The following ZMYM5 variants were observed in gnomAD, a reference collection of about 807,000 sequenced individuals.
ZMYM5 encodes the protein zinc finger MYM-type containing 5, also known as zinc finger MYM-type protein 5.
Under a neutral mutation model 61.8 loss-of-function variants are expected in ZMYM5, and 41 were observed. That is an observed-to-expected ratio of 0.66 (90% CI 0.52 to 0.86). ZMYM5 has a LOEUF of 0.86. Ranked by LOEUF, ZMYM5 falls within the 40% of genes least tolerant of loss-of-function variation. ZMYM5 has a pLI of 0.00. For synonymous variants in ZMYM5, 257 were observed against 276.4 expected (o/e 0.93, Z 0.70); for missense variants, 706 against 786.7 (o/e 0.90, Z 1.23).
chr13:19,834,957 T>TTACAAG (rs1422333709), intron 7 of ZMYM5, among the ~76,000 whole-genome samples: 1 of 151,812 alleles, frequency 6.6e-6, no homozygotes, highest in Non-Finnish European at 1.5e-5. Flanking sequence ...AGTGCTGGGA[T>TTACAAG]TACAAGTGTT....
At chr13:19,858,648 C>T (rs1188399162) in intron 2 of ZMYM5, among the ~76,000 whole-genome samples, 2 of 150,062 alleles carry the variant, frequency 1.3e-5, no homozygotes, top group Admixed American at 1.3e-4. Context: ...TCGTTCCCTT[C>T]CAAAACTCCC....
Position 19,837,691 on chromosome 13 carries a change from T to C in ZMYM5, c.1003A>G (p.Lys335Glu). The C allele has an allele frequency of 6.3e-7, 1 of 1,579,200 alleles. No individual in the cohort carries two copies. The highest frequency in any genetic ancestry group is 1.2e-5 in the South Asian group (1 of 84,958). Residue 335 changes from lysine to glutamate, a missense_variant, in exon 6 of 8, where the codon AAG becomes GAG. Physicochemically the swap from Lys to Glu is moderately conservative, Grantham distance 56 (BLOSUM62 1). This residue lies in a region of ZMYM5 where 480 missense variants were observed against 461.7 expected (regional missense o/e 1.04). Transcript: ENST00000337963. Reference protein sequence around the residue: ...NWNLKKGVFNKSRCTICSKLA... With the variant: ...NWNLKKGVFNESRCTICSKLA... ...TTACTACAAATTGTACATCTTGACT[T>C]ATTAAAAACTCCTTTTTTAAGATTC...
chr13:19,835,174 T>C (rs1187915151), intron 7 of ZMYM5, among the ~76,000 whole-genome samples: 2 of 152,086 alleles, frequency 1.3e-5, no homozygotes, highest in Admixed American at 6.6e-5. Flanking sequence ...AAAAAATTTT[T>C]AGTAGAGATT....
At position 19,823,489 on chromosome 13, in the gene ZMYM5, AATAT is replaced by A. The variant is rs1291266774; in HGVS notation, c.*984_*987del. 1.3e-5 allele frequency: 2 copies of A among 152,260 alleles called. No homozygotes were observed. The highest frequency in any genetic ancestry group is 4.8e-5 in the African/African-American group (2 of 41,584). The allele number at this position is 152,260 out of a possible 1,614,324, so 9.4% of individuals were successfully genotyped here. Reference sequence around the variant, plus strand: ...GCCCATAACACTTGAAGGTTAACTTAATATATACTTATTTTAATATTTTTTATAT... The same window carrying A: ...GCCCATAACACTTGAAGGTTAACTTAATACTTATTTTAATATTTTTTATAT... On this transcript the variant is annotated 3_prime_UTR_variant, in exon 8 of 8. Transcript: ENST00000337963.
chr13:19,847,888 C>T (rs959594101), intron 4 of ZMYM5, among the ~76,000 whole-genome samples: 1 of 148,096 alleles, frequency 6.8e-6, no homozygotes, highest in Non-Finnish European at 1.5e-5. Context: ...CTCCTGACCT[C>T]GTGATCCGCC....
At chr13:19,825,993 C>G (rs1284580072) in intron 7 of ZMYM5, among the ~76,000 whole-genome samples, 1 of 148,270 alleles carries the variant, frequency 6.7e-6, no homozygotes, top group African/African-American at 2.5e-5. Context: ...TGGCAGTGAG[C>G]TGAGATCATG....
In ZMYM5 at chr13:19,825,004, T is replaced by C; in HGVS notation, c.1483A>G (p.Thr495Ala). 3 of 1,367,580 alleles carry C rather than the reference T, an allele frequency of 2.2e-6. No individual in the cohort carries two copies. Among genetic ancestry groups the C allele is most frequent in the South Asian group, 1.1e-5 (1 of 87,994 alleles). The allele number at this position is 1,367,580 out of a possible 1,614,324, so 84.7% of individuals were successfully genotyped here. A position where few individuals can be genotyped will look rare whatever the true frequency, so the allele number is the denominator to read the frequency against. Residue 495 changes from threonine (T) to alanine (A), a missense_variant, in exon 8 of 8, where the codon ACC (threonine) becomes GCC (alanine). Physicochemically the swap from Thr to Ala is moderately conservative, Grantham distance 58. Around this residue, in one of 2 missense-constraint regions of ZMYM5, gnomAD observed 226 missense variants for 325.0 expected, o/e 0.70. Coordinates refer to ENST00000337963, the MANE Select transcript of ZMYM5 (RefSeq NM_001142684.2). ...TGCTCTTGAAATGTATCAGCTATGG[T>C]TGACGTGGAAGAAGGAGGTAAATTC... is the stretch of plus-strand genomic sequence containing the variant. ...NVNLPPSSTS[T>A]IADTFQEQLE...
chr13:19,823,622 A>G lies in ZMYM5; in HGVS notation c.*855T>C, dbSNP rs1890772057. The stretch of plus-strand genomic sequence containing the variant: ...AAAACCAATAAAATGGAAATTAACC[A>G]TCATTAACATAACAAATAATGCTGT... On this transcript the variant is annotated 3_prime_UTR_variant, in exon 8 of 8. Transcript: ENST00000337963. The G allele has an allele frequency of 6.6e-6, 1 of 152,342 alleles. No individual in the cohort carries two copies. The highest frequency in any genetic ancestry group is 2.1e-4 in the South Asian group (1 of 4,834). 9.4% of individuals were successfully genotyped at this position (152,342 alleles called of 1,614,324 possible).
intron 2 of ZMYM5, among the ~76,000 whole-genome samples, chr13:19,857,885 C>T (rs771439217): frequency 1.5e-4 from 23 of 151,660 alleles, no homozygotes; most frequent in African/African-American, 3.6e-4. Flanking sequence ...TGGTGGCATA[C>T]GCCTGTAGTC....
chr13:19,860,703 G>C (rs996343015), intron 2 of ZMYM5, among the ~76,000 whole-genome samples: 1 of 151,542 alleles, frequency 6.6e-6, no homozygotes, highest in African/African-American at 2.4e-5. Flanking sequence ...CTCCCAAAGT[G>C]CTGGGATTAC....
Position 19,835,569 on chromosome 13 carries a change from T to C in ZMYM5, c.1159A>G (p.Met387Val). 12 of 1,367,724 alleles carry C rather than the reference T, an allele frequency of 8.8e-6. No homozygotes were observed. Among genetic ancestry groups the C allele is most frequent in the Non-Finnish European group, 1.1e-5 (11 of 1,021,856 alleles). The allele number at this position is 1,367,724 out of a possible 1,614,324, so 84.7% of individuals were successfully genotyped here. The part of the protein sequence containing the change: ...MNCCEHCGEY[M>V]PSKSTGNNIL... ...TTGTTTCCAGTACTCTTACTAGGCA[T>C]GTACTCTCCACAGTGTTCACAGCAG... is the stretch of plus-strand genomic sequence containing the variant. The change falls in exon 7 of 8, where the codon ATG becomes GTG. Residue 387 changes from methionine (M) to valine (V), a missense_variant. Physicochemically the swap from Met to Val is conservative, Grantham distance 21. This residue lies in a region of ZMYM5 where 480 missense variants were observed against 461.7 expected (regional missense o/e 1.04). Transcript: ENST00000337963.
rs1555262715 is a variant in ZMYM5 at position 19,851,416 on chromosome 13, A to C, written c.525T>G (p.Gly175=). 1 of 1,614,106 alleles carries C rather than the reference A, an allele frequency of 6.2e-7. No homozygotes were observed. The highest frequency in any genetic ancestry group is 1.1e-5 in the South Asian group (1 of 91,074). Residue 175 remains glycine, a synonymous_variant, in exon 4 of 8, where the codon GGT becomes GGG. Coordinates refer to ENST00000337963, the MANE Select transcript of ZMYM5 (RefSeq NM_001142684.2). ...TKTGVRPFNP[G]RMNVAGDLFQ... ...ATAAGTCTCCTGCCACATTCATTCT[A>C]CCAGGGTTAAAAGGTCTTACTCCAG...
chr13:19,844,870 G>A (rs542489277), intron 4 of ZMYM5, among the ~76,000 whole-genome samples: 2 of 152,128 alleles, frequency 1.3e-5, no homozygotes, highest in South Asian at 2.1e-4. Context: ...TGATCCACCC[G>A]CTTCGGCCTC....
intron 6 of ZMYM5, among the ~76,000 whole-genome samples, chr13:19,837,280 A>G (rs1952703917): frequency 6.6e-6 from 1 of 152,072 alleles, no homozygotes; most frequent in Admixed American, 6.6e-5. Flanking sequence ...CGGCCTCCCA[A>G]AGTGCTGGGA....
chr13:19,829,847 TC>T (rs776120225), intron 7 of ZMYM5, among the ~76,000 whole-genome samples: 2 of 152,146 alleles, frequency 1.3e-5, no homozygotes, highest in Non-Finnish European at 2.9e-5. Context: ...TTTTTTTTCC[TC>T]CCAGCTTTAG....
intron 5 of ZMYM5, among the ~76,000 whole-genome samples, chr13:19,838,230 T>C (rs1644169402): frequency 6.6e-6 from 1 of 152,020 alleles, no homozygotes; most frequent in Non-Finnish European, 1.5e-5. Flanking sequence ...TACAAAAAAT[T>C]AGCTGGGCGT....
chr13:19,824,903 A>T lies in ZMYM5; in HGVS notation c.1584T>A (p.Ile528=), dbSNP rs1202419930. 2.2e-6 allele frequency: 3 copies of T among 1,358,798 alleles called. No homozygotes were observed. Among genetic ancestry groups the T allele is most frequent in the Admixed American group, 2.0e-5 (1 of 50,972 alleles). The allele number at this position is 1,358,798 out of a possible 1,614,324, so 84.2% of individuals were successfully genotyped here. A position where few individuals can be genotyped will look rare whatever the true frequency, so the allele number is the denominator to read the frequency against. Residue 528 remains isoleucine (I), a synonymous_variant, in exon 8 of 8, where the codon ATT becomes ATA. Transcript: ENST00000337963. ...LSADPGTWPR[I]LNIKQRDTLV... is the part of the protein sequence containing the mutation. Reference sequence around the variant, plus strand: ...GAGTGTCCCGTTGTTTAATATTCAAAATTCGGGGCCACGTACCTGGATCTG... The same window carrying T: ...GAGTGTCCCGTTGTTTAATATTCAATATTCGGGGCCACGTACCTGGATCTG...
At chr13:19,843,461 C>T (rs1952958795) in intron 4 of ZMYM5, 1 of 149,192 alleles carries the variant, frequency 6.7e-6, no homozygotes, top group South Asian at 2.1e-4. Flanking sequence ...GGAATTCATG[C>T]TTATATAAAC....
chr13:19,842,249 G>A (rs375405721), intron 4 of ZMYM5, among the ~76,000 whole-genome samples: 12 of 152,062 alleles, frequency 7.9e-5, no homozygotes, highest in African/African-American at 1.7e-4. Context: ...ACCCTTTCCC[G>A]CAGGGGGCTG....
Sources: allele counts gnomAD v4.1 joint callset (sites outside exome capture counted in the v4.1 genomes callset), GRCh38; gene constraint gnomAD v4.1.1; regional missense constraint gnomAD v4.1.1; transcripts MANE v1.5; gene names NCBI Gene and HGNC (gene_info 2026-07-23, HGNC 2026-07-21).